Variants in EHMT1 observed in about 807,000 individuals in gnomAD.
The protein encoded by EHMT1 is histone-lysine N-methyltransferase EHMT1.
EHMT1 carries 15 observed loss-of-function variants against 147.2 expected under a neutral mutation model. The observed-to-expected ratio is 0.10, with a 90% CI of 0.07 to 0.16. The LOEUF is 0.16. EHMT1 is among the 10% of genes least tolerant of loss of function. EHMT1 has a pLI of 1.00. For missense variants in EHMT1, 1,587 were observed against 1,772.4 expected (o/e 0.90, Z 1.88); for synonymous variants, 795 against 709.6 (o/e 1.12, Z -1.91).
chr9:137,791,804 C>T (rs1214849554), intron 16 of EHMT1, among the ~76,000 whole-genome samples: 2 of 152,132 alleles, frequency 1.3e-5, no homozygotes, highest in African/African-American at 2.4e-5. Flanking sequence ...CAATCTCGGC[C>T]TACTGCAACC....
Position 137,811,498 on chromosome 9 carries a change from G to A in EHMT1, c.2750G>A (p.Gly917Asp). The A allele has an allele frequency of 6.2e-7, 1 of 1,612,206 alleles. No homozygotes were observed. The highest frequency in any genetic ancestry group is 8.5e-7 in the Non-Finnish European group (1 of 1,180,014). ...TGCCTGCACTGGGCGGCGTTCTCCGGCTGCGTGGACATAGCCGAGATCCTG... is the reference window on the plus strand; with the variant it reads ...TGCCTGCACTGGGCGGCGTTCTCCGACTGCGTGGACATAGCCGAGATCCTG... ...NICLHWAAFSGCVDIAEILLA... is the reference protein window; with the variant it reads ...NICLHWAAFSDCVDIAEILLA... Residue 917 changes from glycine (G) to aspartate (D), a missense_variant, in exon 19 of 27, where the codon GGC (glycine) becomes GAC (aspartate). Gly to Asp is a moderately conservative substitution (Grantham distance 94, BLOSUM62 -1). Transcript: ENST00000460843.
chr9:137,624,203 A>G (rs936040915), intron 1 of EHMT1, among the ~76,000 whole-genome samples: 28 of 151,448 alleles, frequency 1.8e-4, no homozygotes, highest in African/African-American at 6.8e-4. Context: ...GGGTTTCACC[A>G]TATTGGCTAG....
intron 1 of EHMT1, among the ~76,000 whole-genome samples, chr9:137,672,224 TAAAAG>T (rs1940751998): frequency 6.6e-6 from 1 of 152,260 alleles, no homozygotes; most frequent in African/African-American, 2.4e-5. Context: ...TTTCTTTTTT[TAAAAG>T]AATACTTCAT....
At chr9:137,784,069 G>C (rs571281437) in intron 15 of EHMT1, 189 of 1,010,584 alleles carry the variant, frequency 1.9e-4, no homozygotes, top group Non-Finnish European at 2.6e-4. Context: ...ACTTGAGACC[G>C]GGTCATTTAT....
chr9:137,756,340 T>C (rs577638349), intron 8 of EHMT1, among the ~76,000 whole-genome samples: 23 of 152,196 alleles, frequency 1.5e-4, no homozygotes, highest in Non-Finnish European at 2.9e-4. Flanking sequence ...TTCTGGTCTG[T>C]TTCATTTATT....
chr9:137,649,540 T>C (rs959803331), intron 1 of EHMT1, among the ~76,000 whole-genome samples: 2 of 152,190 alleles, frequency 1.3e-5, no homozygotes, highest in African/African-American at 4.8e-5. Flanking sequence ...TGGGGCCTAA[T>C]TTGGACGTAG....
Position 137,619,060 on chromosome 9 carries a change from GGGC to G in EHMT1, c.21+12_21+14del. On this transcript the variant is annotated intron_variant, in intron 1 of 26. Transcript: ENST00000460843. ...GCCGCCGATGCCGAGGTGAGCAGCG[GGGC>G]CGGCGGGGGGCGGCGCGGGGGCGGC... The G allele has an allele frequency of 1.1e-6, 1 of 909,970 alleles. No homozygotes were observed. Among genetic ancestry groups the G allele is most frequent in the Non-Finnish European group, 1.3e-6 (1 of 763,526 alleles). 56.4% of individuals were successfully genotyped at this position (909,970 alleles called of 1,614,324 possible).
chr9:137,706,175 C>T (rs1278147381), intron 1 of EHMT1, among the ~76,000 whole-genome samples: 1 of 152,164 alleles, frequency 6.6e-6, no homozygotes, highest in East Asian at 1.9e-4. Flanking sequence ...GTTGGCGAGT[C>T]CTGGACCATC....
At chr9:137,704,064 G>C (rs556677774) in intron 1 of EHMT1, among the ~76,000 whole-genome samples, 1 of 152,242 alleles carries the variant, frequency 6.6e-6, no homozygotes, top group Non-Finnish European at 1.5e-5. Flanking sequence ...GAGAGCAAAG[G>C]GGGAAGTGCC....
At chr9:137,730,811 C>T (rs1047882722) in intron 4 of EHMT1, among the ~76,000 whole-genome samples, 13 of 152,212 alleles carry the variant, frequency 8.5e-5, no homozygotes, top group African/African-American at 2.2e-4. Context: ...TTCCCAGGGC[C>T]GGAATCGGCT....
chr9:137,802,124 G>T (rs1213140857), intron 18 of EHMT1, among the ~76,000 whole-genome samples: 3 of 152,210 alleles, frequency 2.0e-5, no homozygotes, highest in Admixed American at 1.3e-4. Flanking sequence ...ACTCAAAAGG[G>T]TGTTCACTAG....
chr9:137,736,129 A>G (rs1947511101), intron 4 of EHMT1, among the ~76,000 whole-genome samples: 1 of 152,234 alleles, frequency 6.6e-6, no homozygotes, highest in Non-Finnish European at 1.5e-5. Context: ...CCATGCAAAC[A>G]GTAACCAAAG....
chr9:137,699,446 G>T (rs766882124), intron 1 of EHMT1, among the ~76,000 whole-genome samples: 22 of 152,298 alleles, frequency 1.4e-4, no homozygotes, highest in Admixed American at 3.9e-4. Context: ...GCCGAAGTGG[G>T]CAGATCACTC....
chr9:137,691,326 A>ATAT (rs1564593747), intron 1 of EHMT1, among the ~76,000 whole-genome samples: 3 of 145,846 alleles, frequency 2.1e-5, no homozygotes, highest in Non-Finnish European at 4.5e-5. Flanking sequence ...TATATATATA[A>ATAT]AATATATTTT....
intron 1 of EHMT1, among the ~76,000 whole-genome samples, chr9:137,700,507 A>G (rs1044190108): frequency 6.6e-6 from 1 of 152,232 alleles, no homozygotes; most frequent in Non-Finnish European, 1.5e-5. Flanking sequence ...GTTTTCTAGA[A>G]GGATGGTGGA....
chr9:137,687,309 T>C (rs1316233482), intron 1 of EHMT1, among the ~76,000 whole-genome samples: 3 of 152,232 alleles, frequency 2.0e-5, no homozygotes, highest in Non-Finnish European at 4.4e-5. Flanking sequence ...ACCCTCTGAA[T>C]TTCCTTATGA....
chr9:137,626,759 C>T (rs546857218), intron 1 of EHMT1, among the ~76,000 whole-genome samples: 2 of 150,564 alleles, frequency 1.3e-5, no homozygotes, highest in South Asian at 4.2e-4. Context: ...TTGGCTGCTG[C>T]TGTTTTGTTG....
chr9:137,758,824 G>T (rs2136286124), intron 9 of EHMT1, among the ~76,000 whole-genome samples: 1 of 152,234 alleles, frequency 6.6e-6, no homozygotes, highest in African/African-American at 2.4e-5. Flanking sequence ...TTTAGCTTAA[G>T]ATAGAAATCT....
chr9:137,812,653 G>A (rs538671944), intron 19 of EHMT1, among the ~76,000 whole-genome samples: 4 of 152,376 alleles, frequency 2.6e-5, no homozygotes, highest in South Asian at 4.1e-4. Flanking sequence ...CACGCTGTGC[G>A]TGGCCCAAGC....
Sources: gnomAD v4.1 joint callset for allele counts (sites outside exome capture counted in the v4.1 genomes callset) on GRCh38, gnomAD v4.1.1 for gene constraint, MANE v1.5 for transcripts, NCBI Gene and HGNC (gene_info 2026-07-23, HGNC 2026-07-21) for gene names.